The following CEP135 variants were observed in gnomAD, a reference collection of about 807,000 sequenced individuals.
The protein encoded by CEP135 is centrosomal protein of 135 kDa.
In CEP135, 142 loss-of-function variants were observed where a neutral mutation model predicts 157.3. The observed-to-expected ratio is 0.90, with a 90% CI of 0.79 to 1.04. The LOEUF (loss-of-function observed/expected upper bound fraction) is 1.04, where lower values mean the gene tolerates loss of function less well. Ranked by LOEUF, CEP135 falls within the 50% of genes least tolerant of loss-of-function variation. CEP135 has a pLI of 0.00. For missense variants in CEP135, 1,317 were observed against 1,309.2 expected, an observed-to-expected ratio of 1.01 and a Z score of -0.09; for synonymous variants, 396 against 439.8, an observed-to-expected ratio of 0.90 and a Z score of 1.25.
At chr4:55,957,416 T>C in intron 5 of CEP135, 52 bp downstream of exon 5, 1 of 1,562,624 alleles carries the variant, frequency 6.4e-7, no homozygotes, top group Non-Finnish European at 8.7e-7. Flanking sequence ...CTCAATTAGC[T>C]GTAAGTTTCT....
At chr4:55,985,238 T>G in intron 13 of CEP135, 43 bp from the exon 14 acceptor site, 1 of 1,122,006 alleles carries the variant, frequency 8.9e-7, no homozygotes, top group Non-Finnish European at 1.3e-6. Context: ...TTTTGTTTTG[T>G]TATCTGATAC....
chr4:56,011,312 T>C (rs971307586), intron 19 of CEP135, 100 bp from the exon 20 acceptor site: 12 of 792,594 alleles, frequency 1.5e-5, no homozygotes, highest in Non-Finnish European at 2.0e-5. Context: ...TTTGCCCTAC[T>C]CTATCTTATT....
At position 55,981,293 on chromosome 4, in the gene CEP135, AGT is replaced by A. The variant is rs761405192; in HGVS notation, c.1694_1695del (p.Ser565ThrfsTer12). The part of the protein sequence containing the change: ...TQTTAPHNIV[S>X]LMEKEKELAL... ...AACCACAGCACCCCATAATATTGTT[AGT>A]CTTATGGAAAAGGAAAAAGAACTTG... On this transcript the variant is annotated frameshift_variant, in exon 13 of 26. Transcript: ENST00000257287. LOFTEE classifies it high-confidence loss of function. The A allele has an allele frequency of 6.3e-7, 1 of 1,598,522 alleles. No individual in the cohort carries two copies. The highest frequency in any genetic ancestry group is 8.5e-7 in the Non-Finnish European group (1 of 1,175,244).
chr4:55,969,048 G>A lies in CEP135; in HGVS notation c.1045-15G>A. ...AGACTTTTAAGTATATACCTAATAG[G>A]CTTTTTATTCCTAGAAAGAGATTAA... On this transcript the variant is annotated splice_polypyrimidine_tract_variant and intron_variant, in intron 8 of 25. Transcript: ENST00000257287. The A allele has an allele frequency of 6.3e-7, 1 of 1,591,678 alleles. No homozygotes were observed. Among genetic ancestry groups the A allele is most frequent in the Non-Finnish European group, 8.6e-7 (1 of 1,166,252 alleles).
chr4:56,005,810 A>T (rs962737748), intron 17 of CEP135, among the ~76,000 whole-genome samples: 2 of 152,042 alleles, frequency 1.3e-5, no homozygotes, highest in South Asian at 4.1e-4. Flanking sequence ...GCTTTTGTTT[A>T]TCTGGGAAGG....
chr4:55,951,896 G>A (rs1007920593), intron 1 of CEP135, among the ~76,000 whole-genome samples, 190 bp from the exon 2 acceptor site: 2 of 152,098 alleles, frequency 1.3e-5, no homozygotes, highest in Admixed American at 6.6e-5. Context: ...AGTTGTATGA[G>A]GAAGTATTTA....
In CEP135 at chr4:55,999,612, G is replaced by T; in HGVS notation, c.2247G>T (p.Lys749Asn). ...LQETVDEKTE[K>N]IANLQENLAN... ...AGACTGTAGATGAGAAGACAGAAAA[G>T]ATTGCAAATTTGCAAGAAAACCTAG... The change falls in exon 17 of 26, where the codon AAG becomes AAT. Residue 749 changes from lysine (K) to asparagine (N), a missense_variant. Coordinates refer to ENST00000257287, the MANE Select transcript of CEP135 (RefSeq NM_025009.5). 6.3e-7 allele frequency: 1 copy of T among 1,598,662 alleles called. No individual in the cohort carries two copies.
In CEP135 at chr4:56,033,118, C is replaced by T. The variant is rs1731419902; in HGVS notation, c.*1770C>T. 6.6e-6 allele frequency: 1 copy of T among 151,898 alleles called. No homozygotes were observed. Among genetic ancestry groups the T allele is most frequent in the African/African-American group, 2.4e-5 (1 of 41,394 alleles). The allele number at this position is 151,898 out of a possible 1,614,324, so 9.4% of individuals were successfully genotyped here. The stretch of plus-strand genomic sequence containing the variant: ...TGTAAATAAAATAAAAAATATTTGT[C>T]TCCACCTTTTCCCCAAAAGCAACAG... On this transcript the variant is annotated 3_prime_UTR_variant, in exon 26 of 26. Transcript: ENST00000257287.
At position 56,011,524 on chromosome 4, in the gene CEP135, T is replaced by TAA. The variant is rs1730581606; in HGVS notation, c.2616+2_2616+3insAA. The TAA allele has an allele frequency of 1.0e-5, 16 of 1,580,838 alleles. No homozygotes were observed. Among genetic ancestry groups the TAA allele is most frequent in the Non-Finnish European group, 1.3e-5 (15 of 1,162,294 alleles). On this transcript the variant is annotated splice_region_variant and intron_variant, in intron 20 of 25. Transcript: ENST00000257287. ...TGGGAGAGCTTAATGGCTGCCAAGG[T>TAA]GAAAAATATTATTTAGGTTGGATTT...
chr4:56,014,461 A>T (rs1010623393), intron 21 of CEP135, among the ~76,000 whole-genome samples: 1 of 152,208 alleles, frequency 6.6e-6, no homozygotes, highest in African/African-American at 2.4e-5. Context: ...GTTGTCATGG[A>T]TGGATTTTGC....
chr4:55,952,734 CCT>C (rs1728395745), intron 2 of CEP135, among the ~76,000 whole-genome samples: 1 of 152,134 alleles, frequency 6.6e-6, no homozygotes, highest in African/African-American at 2.4e-5. Flanking sequence ...TGGTCTGTAT[CCT>C]ATGGCTCCTA....
intron 24 of CEP135, among the ~76,000 whole-genome samples, chr4:56,022,030 A>G (rs1479013102): frequency 6.6e-6 from 1 of 152,164 alleles, no homozygotes; most frequent in Non-Finnish European, 1.5e-5. Context: ...CCTGTCTCAA[A>G]AAACAAACAA....
Position 55,974,951 on chromosome 4 carries a change from A to ATT in CEP135, c.1457_1458dup (p.Arg487LeufsTer27). The ATT allele has an allele frequency of 6.2e-7, 1 of 1,601,766 alleles. No individual in the cohort carries two copies. Among genetic ancestry groups the ATT allele is most frequent in the Non-Finnish European group, 8.5e-7 (1 of 1,172,924 alleles). ...ATAGCGCACGTGAAAAAAGTTCAAT[A>ATT]TTTAGAACACCAGAAAAGGTAATGT... On this transcript the variant is annotated frameshift_variant, in exon 11 of 26. Transcript: ENST00000257287. LOFTEE classifies it high-confidence loss of function.
intron 25 of CEP135, among the ~76,000 whole-genome samples, chr4:56,031,008 G>T (rs1731325093): frequency 1.3e-5 from 2 of 151,934 alleles, no homozygotes; most frequent in Admixed American, 6.6e-5. Flanking sequence ...AGCCAGGCAT[G>T]GTGATGTGCA....
intron 13 of CEP135, 143 bp from the exon 14 acceptor site, chr4:55,985,138 A>G (rs888283333): frequency 4.3e-6 from 2 of 469,924 alleles, no homozygotes; most frequent in Admixed American, 3.5e-5. Flanking sequence ...TAAAATGTCT[A>G]ATGATTTTCT....
rs1267643462 is a variant in CEP135, at chr4:56,009,786, G to T, written c.2388G>T (p.Arg796=). 6.2e-7 allele frequency: 1 copy of T among 1,613,774 alleles called. No homozygotes were observed. Among genetic ancestry groups the T allele is most frequent in the East Asian group, 2.2e-5 (1 of 44,866 alleles). ...VNRDREINSL[R]RQLDAAHKEL... is the part of the protein sequence containing the mutation. Reference sequence around the variant, plus strand: ...GAGATCGTGAGATAAACAGCCTCCGGCGCCAGCTTGATGCAGCTCACAAAG... The same window carrying T: ...GAGATCGTGAGATAAACAGCCTCCGTCGCCAGCTTGATGCAGCTCACAAAG... Residue 796 remains arginine (R), a synonymous_variant, in exon 19 of 26, where the codon CGG becomes CGT. Coordinates refer to ENST00000257287, the MANE Select transcript of CEP135 (RefSeq NM_025009.5).
In CEP135 at chr4:55,987,325, G is replaced by A. The variant is rs116596850; in HGVS notation, c.1857+1967G>A. Among the ~76,000 whole-genome samples the A allele has an allele frequency of 7.8e-3, 1,184 of 152,172 alleles. 6 individuals are homozygous for A. The highest frequency in any genetic ancestry group is 0.027 in the African/African-American group (1,118 of 41,524). ...ACTCTGTGCTGAGCTCTACTCAGCC[G>A]AAAACTTAAAGGGTACCCTTTATAG... is the stretch of plus-strand genomic sequence containing the variant. On this transcript the variant is annotated intron_variant, in intron 14 of 25. Coordinates refer to ENST00000257287, the MANE Select transcript of CEP135 (RefSeq NM_025009.5).
intron 9 of CEP135, among the ~76,000 whole-genome samples, chr4:55,969,839 T>A (rs1728967633): frequency 6.6e-6 from 1 of 152,198 alleles, no homozygotes; most frequent in Non-Finnish European, 1.5e-5. Flanking sequence ...ATTTGTTGAT[T>A]ATTACAAAAG....
intron 25 of CEP135, among the ~76,000 whole-genome samples, chr4:56,027,948 G>T (rs754111992): frequency 1.4e-4 from 22 of 152,022 alleles, no homozygotes; most frequent in Admixed American, 1.2e-3. Context: ...AACCTTCCCA[G>T]CTCCTAGTAA....
Sources: allele counts gnomAD v4.1 joint callset (sites outside exome capture counted in the v4.1 genomes callset), GRCh38; gene constraint gnomAD v4.1.1; transcripts MANE v1.5; gene names NCBI Gene and HGNC (gene_info 2026-07-23, HGNC 2026-07-21).